Variants in MCC observed in about 807,000 individuals in gnomAD.
MCC encodes colorectal mutant cancer protein.
MCC carries 90 observed loss-of-function variants against 116.2 expected under a neutral mutation model. The ratio of observed to expected loss-of-function variants is 0.77; its 90% CI spans 0.65 to 0.92. MCC has a LOEUF of 0.92. MCC is among the 40% of genes least tolerant of loss of function. The probability of loss-of-function intolerance (pLI) is 0.00; values close to 1 mark genes in which losing one functional copy is unlikely to be tolerated. For synonymous variants in MCC, 578 were observed against 510.5 expected (o/e 1.13, Z -1.78); for missense variants, 1,516 against 1,312.2 (o/e 1.16, Z -2.40).
intron 6 of MCC, 104 bp from the exon 7 acceptor site, chr5:113,104,459 G>A: frequency 9.7e-7 from 1 of 1,029,256 alleles, no homozygotes; most frequent in Non-Finnish European, 1.4e-6. Flanking sequence ...AATGGAGCCT[G>A]ACATTTCAAA....
intron 1 of MCC, among the ~76,000 whole-genome samples, chr5:113,439,752 C>A (rs1041796242): frequency 2.0e-5 from 3 of 152,158 alleles, no homozygotes; most frequent in Admixed American, 6.5e-5. Flanking sequence ...TAGTTTCTAG[C>A]TCATGGGATT....
intron 3 of MCC, among the ~76,000 whole-genome samples, chr5:113,292,498 C>A (rs757800997): frequency 4.6e-5 from 7 of 152,120 alleles, no homozygotes; most frequent in Non-Finnish European, 5.9e-5. Context: ...CCAGCCAATG[C>A]AGGGACTACA....
intron 1 of MCC, among the ~76,000 whole-genome samples, chr5:113,454,444 G>C (rs1771485860): frequency 6.6e-6 from 1 of 152,174 alleles, no homozygotes; most frequent in Non-Finnish European, 1.5e-5. Flanking sequence ...GTTTGTAGCA[G>C]AATTGAGAGC....
rs553923996 is a variant in MCC, at chr5:113,070,551, A to AT, written c.1925+542dup. Among the ~76,000 whole-genome samples, 303 of 152,342 alleles carry AT rather than the reference A, an allele frequency of 2.0e-3. 2 individuals are homozygous for AT. The highest frequency in any genetic ancestry group is 3.4e-3 in the Middle Eastern group (1 of 294). Reference sequence around the variant, plus strand: ...TTTGACCTACAATTCCTGCTTTGGGATTTTATCCAGAGGAAAATATTCAAA... The same window carrying AT: ...TTTGACCTACAATTCCTGCTTTGGGATTTTTATCCAGAGGAAAATATTCAAA... On this transcript the variant is annotated intron_variant, in intron 12 of 18. Coordinates refer to ENST00000408903, the MANE Select transcript of MCC (RefSeq NM_001085377.2).
intron 8 of MCC, among the ~76,000 whole-genome samples, chr5:113,097,701 A>T (rs577901648): frequency 5.9e-5 from 9 of 152,106 alleles, no homozygotes; most frequent in Non-Finnish European, 1.3e-4. Context: ...TCTTTATTTA[A>T]CCTCTGTAAG....
chr5:113,100,886 A>G (rs1323562565), intron 8 of MCC, among the ~76,000 whole-genome samples: 3 of 152,216 alleles, frequency 2.0e-5, no homozygotes, highest in African/African-American at 4.8e-5. Flanking sequence ...AAGTAAGTCT[A>G]GTAATTCAAA....
At chr5:113,141,020 T>C (rs137998396) in intron 5 of MCC, among the ~76,000 whole-genome samples, 3 of 152,318 alleles carry the variant, frequency 2.0e-5, no homozygotes, top group Non-Finnish European at 4.4e-5. Flanking sequence ...GTGTGAGTTG[T>C]TGGACTCGGG....
chr5:113,282,407 C>A (rs897364256), intron 3 of MCC, among the ~76,000 whole-genome samples: 15 of 152,184 alleles, frequency 9.9e-5, no homozygotes, highest in African/African-American at 3.6e-4. Context: ...TGTGTCCAGA[C>A]AGCATTTTCA....
chr5:113,468,973 G>T (rs1183175990), intron 1 of MCC, among the ~76,000 whole-genome samples: 5 of 152,172 alleles, frequency 3.3e-5, no homozygotes, highest in Non-Finnish European at 4.4e-5. Flanking sequence ...TTTGCATAGA[G>T]GTGTTTATAG....
chr5:113,391,386 T>G (rs2150395478), intron 1 of MCC, among the ~76,000 whole-genome samples: 1 of 152,238 alleles, frequency 6.6e-6, no homozygotes, highest in Non-Finnish European at 1.5e-5. Flanking sequence ...CTGTACTTCC[T>G]TTTCCTAGCA....
chr5:113,471,695 C>A (rs1207108833), intron 1 of MCC, among the ~76,000 whole-genome samples: 1 of 150,450 alleles, frequency 6.6e-6, no homozygotes, highest in Non-Finnish European at 1.5e-5. Flanking sequence ...CTCTTCAAAG[C>A]TGTCAGAGAG....
At chr5:113,056,548 GAAC>G (rs1283922837) in intron 14 of MCC, among the ~76,000 whole-genome samples, 1 of 152,090 alleles carries the variant, frequency 6.6e-6, no homozygotes, top group Non-Finnish European at 1.5e-5. Flanking sequence ...ACAAAGAGGG[GAAC>G]AACAAACAAT....
chr5:113,066,857 T>C (rs556017527), intron 13 of MCC, among the ~76,000 whole-genome samples: 57 of 152,332 alleles, frequency 3.7e-4, no homozygotes, highest in Admixed American at 7.8e-4. Flanking sequence ...ATGCCTGGCC[T>C]GCCCACACCA....
At chr5:113,101,639 A>G in intron 8 of MCC, 100 bp downstream of exon 8, 1 of 1,257,106 alleles carries the variant, frequency 8.0e-7, no homozygotes, top group South Asian at 1.3e-5. Flanking sequence ...CAAAATTACA[A>G]ATGCCACAAA....
intron 5 of MCC, among the ~76,000 whole-genome samples, chr5:113,137,676 G>A (rs1758921692): frequency 6.6e-6 from 1 of 151,960 alleles, no homozygotes; most frequent in African/African-American, 2.4e-5. Context: ...TTGTTGTTAT[G>A]CCCCTGTCTG....
intron 11 of MCC, among the ~76,000 whole-genome samples, chr5:113,077,225 C>A (rs140859891): frequency 0.017 from 2,577 of 152,278 alleles, 37 homozygotes; most frequent in Non-Finnish European, 0.03. Flanking sequence ...TAACACCCTA[C>A]TGTCAACATT....
intron 3 of MCC, among the ~76,000 whole-genome samples, chr5:113,186,115 G>T (rs1037629720): frequency 6.6e-6 from 1 of 152,196 alleles, no homozygotes; most frequent in African/African-American, 2.4e-5. Flanking sequence ...AGGTCCCTGG[G>T]ATTTCCGGGG....
At chr5:113,028,732 A>T (rs888462755) in intron 18 of MCC, among the ~76,000 whole-genome samples, 3 of 152,196 alleles carry the variant, frequency 2.0e-5, no homozygotes, top group Admixed American at 2.0e-4. Flanking sequence ...AGCATTTCTT[A>T]GTTTCCACAG....
In MCC at chr5:113,434,945, G is replaced by C. The variant is rs1770804428; in HGVS notation, c.171-49733C>G. The C allele has an allele frequency of 1.0e-5, 14 of 1,401,516 alleles. No individual in the cohort carries two copies. The South Asian group carries it at 2.0e-4, about 20-fold the overall frequency. 86.8% of individuals were successfully genotyped at this position (1,401,516 alleles called of 1,614,324 possible). Reference sequence around the variant, plus strand: ...CCTGGATAGAGAGTCCTTTGGGCTGGCCAGGCCTGCTGTTCCTGCCTCCTA... The same window carrying C: ...CCTGGATAGAGAGTCCTTTGGGCTGCCCAGGCCTGCTGTTCCTGCCTCCTA... On this transcript the variant is annotated intron_variant, in intron 1 of 18. Transcript: ENST00000408903. The surrounding 1 kb of genome is among the most constrained non-coding windows in gnomAD (Gnocchi z 4.2).
Sources: allele counts gnomAD v4.1 joint callset (sites outside exome capture counted in the v4.1 genomes callset), GRCh38; gene constraint gnomAD v4.1.1; non-coding constraint Gnocchi (gnomAD v3.1); transcripts MANE v1.5; gene names NCBI Gene and HGNC (gene_info 2026-07-23, HGNC 2026-07-21).